The following UBR3 variants were observed in gnomAD, a reference collection of about 807,000 sequenced individuals.
UBR3 encodes E3 ubiquitin-protein ligase UBR3.
A neutral mutation model predicts 243.2 loss-of-function variants in UBR3; 85 were observed. That is an observed-to-expected ratio of 0.35 (90% CI 0.29 to 0.42). The LOEUF (loss-of-function observed/expected upper bound fraction) is 0.42, where lower values mean the gene tolerates loss of function less well. Among genes scored for constraint, UBR3 ranks in the 10% least tolerant of loss-of-function variants. The probability of loss-of-function intolerance (pLI) is 1.00; values close to 1 mark genes in which losing one functional copy is unlikely to be tolerated. For missense variants in UBR3, 1,686 were observed against 2,300.8 expected (o/e 0.73, Z 5.47); for synonymous variants, 748 against 799.8 (o/e 0.94, Z 1.09).
intron 19 of UBR3, among the ~76,000 whole-genome samples, chr2:169,934,530 C>T (rs2086253228): frequency 6.6e-6 from 1 of 152,200 alleles, no homozygotes; most frequent in African/African-American, 2.4e-5. Context: ...GCCACCGTGC[C>T]TGGCCGATTT....
chr2:170,018,972 T>G (rs997774963), intron 30 of UBR3, among the ~76,000 whole-genome samples: 3 of 152,206 alleles, frequency 2.0e-5, no homozygotes, highest in African/African-American at 7.2e-5. Context: ...GTTGAAACCA[T>G]TGGCAATGCC....
chr2:169,856,593 G>C (rs1434349162), intron 1 of UBR3, among the ~76,000 whole-genome samples: 1 of 152,218 alleles, frequency 6.6e-6, no homozygotes, highest in Admixed American at 6.5e-5. Context: ...CACCTCGGGA[G>C]GCCGAGGCTG....
intron 24 of UBR3, among the ~76,000 whole-genome samples, chr2:169,977,476 G>A (rs1161051732): frequency 6.6e-6 from 1 of 152,136 alleles, no homozygotes; most frequent in Middle Eastern, 3.2e-3. Context: ...ACAGTACCCG[G>A]TCTGAGACTG....
chr2:169,894,613 C>CTTG (rs149812566), intron 6 of UBR3, among the ~76,000 whole-genome samples: 6,607 of 152,162 alleles, frequency 0.043, 159 homozygotes, highest in Middle Eastern at 0.068. Context: ...ACATACTGAG[C>CTTG]TTGTTACTCA....
chr2:170,005,358 G>A (rs2089875595), intron 27 of UBR3, among the ~76,000 whole-genome samples: 1 of 152,194 alleles, frequency 6.6e-6, no homozygotes, highest in Non-Finnish European at 1.5e-5. Context: ...TAGCAAGAAG[G>A]CATTTTATTT....
intron 26 of UBR3, among the ~76,000 whole-genome samples, chr2:169,997,815 T>C (rs1222145201): frequency 6.6e-6 from 1 of 152,100 alleles, no homozygotes. Flanking sequence ...AGTCCATGGT[T>C]TTCATGGTCT....
At chr2:170,037,633 C>G (rs1283226128) in intron 31 of UBR3, among the ~76,000 whole-genome samples, 1 of 152,118 alleles carries the variant, frequency 6.6e-6, no homozygotes, top group Non-Finnish European at 1.5e-5. Flanking sequence ...GGTGATCCAC[C>G]CACCTTGGCC....
At position 169,890,567 on chromosome 2, in the gene UBR3, GTA is replaced by G. The variant is rs1314543784; in HGVS notation, c.1039-586_1039-585del. Among the ~76,000 whole-genome samples the G allele has an allele frequency of 1.5e-3, 88 of 59,316 alleles. 1 individual carries two copies. Among genetic ancestry groups the G allele is most frequent in the South Asian group, 2.0e-3 (3 of 1,498 alleles). The allele number at this position is 59,316 out of a possible 152,430, so 38.9% of individuals were successfully genotyped here. On this transcript the variant is annotated intron_variant, in intron 5 of 38. Coordinates refer to ENST00000272793, the MANE Select transcript of UBR3 (RefSeq NM_172070.4). The stretch of plus-strand genomic sequence containing the variant: ...TATATATATATATATATATATATGT[GTA>G]TATATATATATGTATATATATATGT...
intron 23 of UBR3, among the ~76,000 whole-genome samples, chr2:169,951,370 T>C (rs2087020577): frequency 6.6e-6 from 1 of 152,190 alleles, no homozygotes; most frequent in Admixed American, 6.6e-5. Flanking sequence ...AGATGGATCT[T>C]ACTTGATTGA....
chr2:170,020,121 TTAG>T (rs2090350905), intron 30 of UBR3, among the ~76,000 whole-genome samples: 1 of 152,140 alleles, frequency 6.6e-6, no homozygotes, highest in Non-Finnish European at 1.5e-5. Flanking sequence ...TCTTTCACAC[TTAG>T]TAGTAAAATT....
rs1171444084 is a variant in UBR3, at chr2:169,926,895, T to G, written c.2262T>G (p.Asp754Glu). Residue 754 changes from aspartate (D) to glutamate (E), a missense_variant, in exon 16 of 39, where the codon GAT becomes GAG. Transcript: ENST00000272793. ...MASQHQNTVLDAEHERSMLEG... is the reference protein window; with the variant it reads ...MASQHQNTVLEAEHERSMLEG... ...CACAACATCAAAATACAGTACTTGA[T>G]GCAGAGCATGAGAGGTCGATGTTAG... The G allele has an allele frequency of 6.4e-7, 1 of 1,551,182 alleles. No homozygotes were observed. Among genetic ancestry groups the G allele is most frequent in the African/African-American group, 1.4e-5 (1 of 73,060 alleles).
chr2:170,031,813 A>G (rs1351807550), intron 31 of UBR3, among the ~76,000 whole-genome samples: 2 of 152,154 alleles, frequency 1.3e-5, no homozygotes, highest in African/African-American at 2.4e-5. Flanking sequence ...GCTTAGGATC[A>G]TGGCCTCCAG....
At chr2:169,958,809 A>G (rs1303843655) in intron 24 of UBR3, among the ~76,000 whole-genome samples, 1 of 152,186 alleles carries the variant, frequency 6.6e-6, no homozygotes, top group African/African-American at 2.4e-5. Flanking sequence ...TGTGAGATCC[A>G]TCAATGTACA....
intron 1 of UBR3, among the ~76,000 whole-genome samples, chr2:169,842,861 C>T (rs1369163352): frequency 6.6e-6 from 1 of 152,216 alleles, no homozygotes; most frequent in Non-Finnish European, 1.5e-5. Flanking sequence ...CACAGTAGGA[C>T]ATGGGTACAA....
chr2:169,836,054 TATATA>T (rs2082092290), intron 1 of UBR3, among the ~76,000 whole-genome samples: 2 of 49,598 alleles, frequency 4.0e-5, no homozygotes, highest in African/African-American at 1.2e-4. Flanking sequence ...TATATATATA[TATATA>T]TATATATATT....
At chr2:169,970,375 A>G (rs570756448) in intron 24 of UBR3, among the ~76,000 whole-genome samples, 1,184 of 73,854 alleles carry the variant, frequency 0.016, 22 homozygotes, top group African/African-American at 0.06. Flanking sequence ...CACATTGTGC[A>G]GGTTAGTTAC....
chr2:169,998,083 T>C (rs2089563240), intron 26 of UBR3, among the ~76,000 whole-genome samples: 1 of 151,800 alleles, frequency 6.6e-6, no homozygotes, highest in South Asian at 2.1e-4. Flanking sequence ...CCTGGCCCTG[T>C]CTGTCTAGGA....
At chr2:170,074,799 T>C (rs1474551027) in intron 36 of UBR3, among the ~76,000 whole-genome samples, 1 of 152,176 alleles carries the variant, frequency 6.6e-6, no homozygotes, top group Non-Finnish European at 1.5e-5. Context: ...CTCTAACAGT[T>C]GCCATGTTCA....
intron 24 of UBR3, among the ~76,000 whole-genome samples, chr2:169,972,644 G>A (rs1299293044): frequency 1.1e-4 from 17 of 152,150 alleles, no homozygotes; most frequent in African/African-American, 2.4e-4. Flanking sequence ...CAGCGTATAA[G>A]CAGAGCCAAA....
Sources: allele counts gnomAD v4.1 joint callset (sites outside exome capture counted in the v4.1 genomes callset), GRCh38; gene constraint gnomAD v4.1.1; transcripts MANE v1.5; gene names NCBI Gene and HGNC (gene_info 2026-07-23, HGNC 2026-07-21).